Variants in SH3GL2 observed in about 807,000 individuals in gnomAD.
SH3GL2 encodes SH3 domain containing GRB2 like 2, endophilin A1, also known as endophilin-A1.
SH3GL2 carries 24 observed loss-of-function variants against 46.0 expected under a neutral mutation model. The observed-to-expected ratio is 0.52, with a 90% CI of 0.38 to 0.73. The LOEUF (loss-of-function observed/expected upper bound fraction) is 0.73. Among genes scored for constraint, SH3GL2 ranks in the 30% least tolerant of loss-of-function variants. The probability of loss-of-function intolerance (pLI) is 0.00; values close to 1 mark genes in which losing one functional copy is unlikely to be tolerated. For missense variants in SH3GL2, 413 were observed against 424.2 expected (o/e 0.97, Z 0.23); for synonymous variants, 196 against 147.1 (o/e 1.33, Z -2.40).
intron 1 of SH3GL2, among the ~76,000 whole-genome samples, chr9:17,705,505 A>G (rs574961817): frequency 1.3e-5 from 2 of 152,110 alleles, no homozygotes; most frequent in South Asian, 2.1e-4. Context: ...TGGACTTGAT[A>G]TAGAAAATAT....
intron 1 of SH3GL2, among the ~76,000 whole-genome samples, chr9:17,627,932 T>G (rs1329460917): frequency 6.6e-6 from 1 of 152,232 alleles, no homozygotes; most frequent in African/African-American, 2.4e-5. Flanking sequence ...TGTTTTAACC[T>G]CTTCATGTCT....
chr9:17,626,567 G>A (rs917128344), intron 1 of SH3GL2, among the ~76,000 whole-genome samples: 4 of 152,182 alleles, frequency 2.6e-5, no homozygotes, highest in Non-Finnish European at 4.4e-5. Flanking sequence ...TGGCAGTCTA[G>A]TGCAGTTACT....
chr9:17,610,970 A>G (rs1260461301), intron 1 of SH3GL2, among the ~76,000 whole-genome samples: 32 of 152,178 alleles, frequency 2.1e-4, no homozygotes, highest in Admixed American at 2.0e-3. Flanking sequence ...GTGAGTGCCA[A>G]AGTGTTAAAT....
rs534136324 is a variant in SH3GL2 at position 17,759,440 on chromosome 9, G to A, written c.115-1997G>A. 5.9e-5 allele frequency among the ~76,000 whole-genome samples: 9 copies of A among 152,292 alleles called. No homozygotes were observed. In the East Asian group the frequency reaches 1.7e-3, roughly 29 times the overall value. ...CTGACTTGGCCTCTCTTTCAGATTGGGAGATGCCTCTGTTGCCTGTCTTTT... is the reference window on the plus strand; with the variant it reads ...CTGACTTGGCCTCTCTTTCAGATTGAGAGATGCCTCTGTTGCCTGTCTTTT... On this transcript the variant is annotated intron_variant, in intron 2 of 8. Transcript: ENST00000380607.
intron 3 of SH3GL2, among the ~76,000 whole-genome samples, chr9:17,768,387 A>AC (rs1823379537): frequency 6.6e-6 from 1 of 151,814 alleles, no homozygotes; most frequent in African/African-American, 2.4e-5. Context: ...AAAAAAAAAA[A>AC]AAAACACCAG....
intron 1 of SH3GL2, among the ~76,000 whole-genome samples, chr9:17,725,835 C>T (rs2118376040): frequency 6.6e-6 from 1 of 152,274 alleles, no homozygotes; most frequent in South Asian, 2.1e-4. Flanking sequence ...GTTGAATAGG[C>T]AGCGAGAGGC....
intron 1 of SH3GL2, among the ~76,000 whole-genome samples, chr9:17,582,026 TC>T (rs1464557997): frequency 4.6e-5 from 7 of 152,190 alleles, no homozygotes; most frequent in Admixed American, 4.6e-4. Flanking sequence ...CGCAAACGTT[TC>T]TTTCTATGGA....
At chr9:17,759,290 C>G (rs767944005) in intron 2 of SH3GL2, among the ~76,000 whole-genome samples, 1 of 152,162 alleles carries the variant, frequency 6.6e-6, no homozygotes, top group African/African-American at 2.4e-5. Flanking sequence ...CTTCCACAGA[C>G]TTTGAGAAGT....
intron 1 of SH3GL2, among the ~76,000 whole-genome samples, chr9:17,666,955 A>ACATGTTTCTCATGTTTCTCATTTCT (rs1820360098): frequency 6.6e-6 from 1 of 152,156 alleles, no homozygotes; most frequent in Admixed American, 6.6e-5. Context: ...CTGATCTGAA[A>ACATGTTTCTCATGTTTCTCATTTCT]CATGAGAAAT....
intron 1 of SH3GL2, among the ~76,000 whole-genome samples, chr9:17,694,325 G>C (rs1821152786): frequency 6.6e-6 from 1 of 152,164 alleles, no homozygotes; most frequent in African/African-American, 2.4e-5. Context: ...GAGAGAAAGA[G>C]AGAGCAAATC....
At chr9:17,689,708 A>G (rs1221601777) in intron 1 of SH3GL2, among the ~76,000 whole-genome samples, 1 of 151,894 alleles carries the variant, frequency 6.6e-6, no homozygotes, top group Non-Finnish European at 1.5e-5. Flanking sequence ...CTTCATGTAT[A>G]TCGTTTATTT....
chr9:17,672,822 T>G (rs1157110504), intron 1 of SH3GL2, among the ~76,000 whole-genome samples: 1 of 152,254 alleles, frequency 6.6e-6, no homozygotes, highest in Non-Finnish European at 1.5e-5. Context: ...TGGTTTTAAC[T>G]CTTGTGCTTA....
intron 1 of SH3GL2, among the ~76,000 whole-genome samples, chr9:17,734,350 T>C (rs909606899): frequency 1.3e-5 from 2 of 152,132 alleles, no homozygotes; most frequent in African/African-American, 4.8e-5. Context: ...GGACAAATAT[T>C]GATGCTCATA....
chr9:17,717,024 G>A (rs1370488618), intron 1 of SH3GL2, among the ~76,000 whole-genome samples: 1 of 152,066 alleles, frequency 6.6e-6, no homozygotes, highest in African/African-American at 2.4e-5. Context: ...AGAACTGATG[G>A]CCTGCTTTTT....
intron 1 of SH3GL2, among the ~76,000 whole-genome samples, chr9:17,638,977 C>T (rs2134639326): frequency 6.6e-6 from 1 of 152,264 alleles, no homozygotes; most frequent in East Asian, 1.9e-4. Flanking sequence ...CAATTATTAA[C>T]CCTGGTTGTA....
chr9:17,600,116 A>C (rs1449875805), intron 1 of SH3GL2, among the ~76,000 whole-genome samples: 1 of 152,186 alleles, frequency 6.6e-6, no homozygotes, highest in Non-Finnish European at 1.5e-5. Context: ...CAGGGTACTG[A>C]ACAGCAGTTT....
intron 1 of SH3GL2, among the ~76,000 whole-genome samples, chr9:17,719,903 A>T (rs1821850030): frequency 6.6e-6 from 1 of 151,644 alleles, no homozygotes; most frequent in South Asian, 2.1e-4. Context: ...GTGTATATAT[A>T]ATAATAAACT....
chr9:17,672,671 G>A (rs973732362), intron 1 of SH3GL2, among the ~76,000 whole-genome samples: 2 of 152,100 alleles, frequency 1.3e-5, no homozygotes, highest in African/African-American at 2.4e-5. Context: ...CCTAAGGAGT[G>A]ATTGATTTTA....
intron 1 of SH3GL2, among the ~76,000 whole-genome samples, chr9:17,694,648 A>T (rs1821160594): frequency 6.6e-6 from 1 of 152,176 alleles, no homozygotes; most frequent in Non-Finnish European, 1.5e-5. Flanking sequence ...TGAATGGTAT[A>T]AGTTGAGGGT....
Sources: gnomAD v4.1 joint callset for allele counts (sites outside exome capture counted in the v4.1 genomes callset) on GRCh38, gnomAD v4.1.1 for gene constraint, MANE v1.5 for transcripts, NCBI Gene and HGNC (gene_info 2026-07-23, HGNC 2026-07-21) for gene names.